The following PTPRN2 variants were observed in gnomAD, a reference collection of about 807,000 sequenced individuals.
PTPRN2 encodes the protein receptor-type tyrosine-protein phosphatase N2.
In PTPRN2, 74 loss-of-function variants were observed where a neutral mutation model predicts 118.8. The ratio of observed to expected loss-of-function variants is 0.62; its 90% CI spans 0.52 to 0.76. PTPRN2 has a LOEUF of 0.76. Among genes scored for constraint, PTPRN2 ranks in the 30% least tolerant of loss-of-function variants. The probability of loss-of-function intolerance (pLI) is 0.00; values close to 1 mark genes in which losing one functional copy is unlikely to be tolerated. For missense variants in PTPRN2, 1,481 were observed against 1,394.4 expected (o/e 1.06, Z -0.99); for synonymous variants, 641 against 608.0 (o/e 1.05, Z -0.80).
intron 3 of PTPRN2, among the ~76,000 whole-genome samples, chr7:158,225,112 C>T (rs1828653820): frequency 6.7e-6 from 1 of 149,334 alleles, no homozygotes; most frequent in South Asian, 2.1e-4. Flanking sequence ...ATCACTGTTA[C>T]TTTTTTTTTT....
At chr7:158,331,553 C>A (rs1187280106) in intron 2 of PTPRN2, among the ~76,000 whole-genome samples, 4 of 142,034 alleles carry the variant, frequency 2.8e-5, no homozygotes, top group Admixed American at 6.9e-5. Context: ...AGAGCTGACA[C>A]CCGCAGACGT....
At chr7:157,602,472 A>G (rs974729365) in intron 16 of PTPRN2, among the ~76,000 whole-genome samples, 2 of 151,078 alleles carry the variant, frequency 1.3e-5, no homozygotes, top group Admixed American at 1.3e-4. Flanking sequence ...CCGAGAGCTG[A>G]GCACCGTCTG....
intron 11 of PTPRN2, among the ~76,000 whole-genome samples, chr7:157,904,700 C>T (rs1797668685): frequency 6.6e-6 from 1 of 152,256 alleles, no homozygotes; most frequent in Non-Finnish European, 1.5e-5. Context: ...GTTCCGGCCG[C>T]TTTCAGCGAT....
intron 11 of PTPRN2, among the ~76,000 whole-genome samples, chr7:158,077,393 CG>C (rs1484608744): frequency 2.0e-5 from 3 of 152,184 alleles, no homozygotes; most frequent in African/African-American, 7.2e-5. Flanking sequence ...TGAAATGACA[CG>C]GGGCGCCTCT....
At chr7:157,773,098 C>T (rs367578526) in intron 12 of PTPRN2, among the ~76,000 whole-genome samples, 1 of 152,198 alleles carries the variant, frequency 6.6e-6, no homozygotes. Flanking sequence ...ATCCTCAGTG[C>T]TGGGACCATC....
rs1020521615 is a variant in PTPRN2, at chr7:158,145,341, A to T, written c.911-6826T>A. On this transcript the variant is annotated intron_variant, in intron 6 of 22. Coordinates refer to ENST00000389418, the MANE Select transcript of PTPRN2 (RefSeq NM_002847.5). ...CACATCACGGTGAGAAGGTTCCAGA[A>T]TACCACGGCTTGGCAAGACTTCCCT... Among the ~76,000 whole-genome samples, 7 of 152,050 alleles carry T rather than the reference A, an allele frequency of 4.6e-5. 1 individual carries two copies. Among genetic ancestry groups the T allele is most frequent in the Admixed American group, 3.3e-4 (5 of 15,262 alleles).
At chr7:157,746,229 A>G (rs564751595) in intron 12 of PTPRN2, among the ~76,000 whole-genome samples, 93 of 147,862 alleles carry the variant, frequency 6.3e-4, no homozygotes, top group Non-Finnish European at 1.1e-3. Context: ...GAGCATGGAG[A>G]TCATGGGCCT....
intron 2 of PTPRN2, among the ~76,000 whole-genome samples, chr7:158,321,251 A>G (rs1168661557): frequency 6.6e-6 from 1 of 152,234 alleles, no homozygotes; most frequent in African/African-American, 2.4e-5. Flanking sequence ...AAGTCGCCTC[A>G]CCGCCGACCA....
intron 9 of PTPRN2, among the ~76,000 whole-genome samples, chr7:158,131,858 C>T (rs1043015524): frequency 3.3e-5 from 5 of 149,838 alleles, no homozygotes; most frequent in African/African-American, 1.2e-4. Context: ...CACACAAATA[C>T]CTACAAACTG....
At chr7:158,080,844 C>G (rs1318603746) in intron 11 of PTPRN2, among the ~76,000 whole-genome samples, 2 of 152,204 alleles carry the variant, frequency 1.3e-5, no homozygotes, top group African/African-American at 4.8e-5. Context: ...TTTGTGGTGT[C>G]TCTGCCCACC....
chr7:157,847,862 CCT>C (rs1808974287), intron 12 of PTPRN2, among the ~76,000 whole-genome samples: 1 of 150,410 alleles, frequency 6.6e-6, no homozygotes, highest in East Asian at 2.0e-4. Flanking sequence ...TCTACAGAGC[CCT>C]CTCTCATTAC....
chr7:157,674,723 G>GC lies in PTPRN2; in HGVS notation c.2001+8001dup. Among the ~76,000 whole-genome samples, 1 of 152,284 alleles carries GC rather than the reference G, an allele frequency of 6.6e-6. No individual in the cohort carries two copies. Among genetic ancestry groups the GC allele is most frequent in the Non-Finnish European group, 1.5e-5 (1 of 68,004 alleles). ...TGAGGACCCTCGGCCCCAAGGTGAGGCCCCGCGCAGGTACCTCTGTACACG... is the reference window on the plus strand; with the variant it reads ...TGAGGACCCTCGGCCCCAAGGTGAGGCCCCCGCGCAGGTACCTCTGTACACG... On this transcript the variant is annotated intron_variant, in intron 13 of 22. Transcript: ENST00000389418. The surrounding 1 kb of genome is among the most constrained non-coding windows in gnomAD (Gnocchi z 4.5).
At chr7:158,313,008 G>T (rs1379193384) in intron 3 of PTPRN2, among the ~76,000 whole-genome samples, 1 of 151,950 alleles carries the variant, frequency 6.6e-6, no homozygotes, top group Non-Finnish European at 1.5e-5. Context: ...GAGTGTGCAG[G>T]TGTGTGCGTG....
chr7:157,749,901 T>A (rs1304521635), intron 12 of PTPRN2, among the ~76,000 whole-genome samples: 1 of 147,812 alleles, frequency 6.8e-6, no homozygotes, highest in Non-Finnish European at 1.5e-5. Flanking sequence ...GTCTGGGTGA[T>A]TCTGAGGCCT....
At chr7:157,932,242 C>G (rs1201132045) in intron 11 of PTPRN2, among the ~76,000 whole-genome samples, 3 of 152,240 alleles carry the variant, frequency 2.0e-5, no homozygotes, top group Non-Finnish European at 4.4e-5. Context: ...AAAATTCACA[C>G]TGATATGGTA....
chr7:158,284,857 G>A (rs1261131089), intron 3 of PTPRN2, among the ~76,000 whole-genome samples: 1 of 152,222 alleles, frequency 6.6e-6, no homozygotes, highest in Non-Finnish European at 1.5e-5. Flanking sequence ...TCGTTGAGCT[G>A]GACTTTTAAA....
chr7:158,181,930 C>A (rs1316764020), intron 5 of PTPRN2, among the ~76,000 whole-genome samples: 1 of 88,818 alleles, frequency 1.1e-5, no homozygotes, highest in African/African-American at 3.0e-5. Flanking sequence ...CTGTTCTGAT[C>A]TTTGTTATTT....
intron 11 of PTPRN2, among the ~76,000 whole-genome samples, chr7:158,054,542 G>C (rs535379101): frequency 6.6e-6 from 1 of 152,222 alleles, no homozygotes. Flanking sequence ...TTCATGCAAC[G>C]AACACGTCAG....
intron 3 of PTPRN2, among the ~76,000 whole-genome samples, chr7:158,277,275 G>T (rs1001413002): frequency 6.6e-6 from 1 of 152,208 alleles, no homozygotes; most frequent in African/African-American, 2.4e-5. Flanking sequence ...GCCTCCTCGG[G>T]GTCCTGCCCA....
Sources: gnomAD v4.1 joint callset for allele counts (sites outside exome capture counted in the v4.1 genomes callset) on GRCh38, gnomAD v4.1.1 for gene constraint, Gnocchi (gnomAD v3.1) non-coding constraint, MANE v1.5 for transcripts, NCBI Gene and HGNC (gene_info 2026-07-23, HGNC 2026-07-21) for gene names.